UBE2E1: variants seen among roughly 807,000 people sequenced by gnomAD.
UBE2E1 encodes ubiquitin conjugating enzyme E2 E1, also known as ubiquitin-conjugating enzyme E2 E1.
A neutral mutation model predicts 21.4 loss-of-function variants in UBE2E1; 6 were observed. The observed-to-expected ratio is 0.28, with a 90% CI of 0.15 to 0.55. UBE2E1 has a LOEUF of 0.55. Among genes scored for constraint, UBE2E1 ranks in the 20% least tolerant of loss-of-function variants. The probability of loss-of-function intolerance (pLI) is 0.93; values close to 1 mark genes in which losing one functional copy is unlikely to be tolerated. For missense variants in UBE2E1, 142 were observed against 236.5 expected, an observed-to-expected ratio of 0.60 and a Z score of 2.62; for synonymous variants, 87 against 82.7, an observed-to-expected ratio of 1.05 and a Z score of -0.28.
intron 3 of UBE2E1, among the ~76,000 whole-genome samples, chr3:23,868,173 C>T (rs569256345): frequency 3.3e-5 from 5 of 152,190 alleles, no homozygotes; most frequent in African/African-American, 7.2e-5. Context: ...AACATACATT[C>T]GAATGCCTGG....
rs1309453491 is a variant in UBE2E1, at chr3:23,876,094, G to C, written c.204-11473G>C. 6.6e-6 allele frequency among the ~76,000 whole-genome samples: 1 copy of C among 152,104 alleles called. No individual in the cohort carries two copies. Among genetic ancestry groups the C allele is most frequent in the Non-Finnish European group, 1.5e-5 (1 of 68,008 alleles). Reference sequence around the variant, plus strand: ...CCAAATATGTGAATTCTTGTGTGTGGGTACTAGTTTTTCTGGGGAGCCCTT... The same window carrying C: ...CCAAATATGTGAATTCTTGTGTGTGCGTACTAGTTTTTCTGGGGAGCCCTT... On this transcript the variant is annotated intron_variant, in intron 3 of 5. Transcript: ENST00000306627. This position sits in a 1 kb window ranked among gnomAD's most constrained non-coding sequence, Gnocchi z 4.3.
In UBE2E1 at chr3:23,887,498, CTCTTT is replaced by C. The variant is rs1472939102; in HGVS notation, c.204-67_204-63del. 1 of 1,504,520 alleles carries C rather than the reference CTCTTT, an allele frequency of 6.6e-7. No individual in the cohort carries two copies. Among genetic ancestry groups the C allele is most frequent in the African/African-American group, 1.4e-5 (1 of 71,354 alleles). The allele number at this position is 1,504,520 out of a possible 1,614,324, so 93.2% of individuals were successfully genotyped here. ...GAGAGGAGAGAGGTAATCTTTCCATCTCTTTTAATACACTGTAAAAATTGGGATAG... is the reference window on the plus strand; with the variant it reads ...GAGAGGAGAGAGGTAATCTTTCCATCTAATACACTGTAAAAATTGGGATAG... On this transcript the variant is annotated intron_variant, in intron 3 of 5. Transcript: ENST00000306627. This position sits in a 1 kb window ranked among gnomAD's most constrained non-coding sequence, Gnocchi z 4.4.
intron 3 of UBE2E1, among the ~76,000 whole-genome samples, chr3:23,817,438 A>G (rs924802782): frequency 2.2e-4 from 12 of 54,716 alleles, no homozygotes; most frequent in Non-Finnish European, 2.6e-4. Context: ...AAAAAAAAAA[A>G]GAAAGAAAAG....
intron 3 of UBE2E1, among the ~76,000 whole-genome samples, chr3:23,880,959 G>GT (rs1487451481): frequency 6.6e-6 from 1 of 152,190 alleles, no homozygotes; most frequent in Non-Finnish European, 1.5e-5. Flanking sequence ...CCAGTTGATA[G>GT]TTTTTTACTT....
At chr3:23,844,935 TTAATATA>T (rs1700165698) in intron 3 of UBE2E1, among the ~76,000 whole-genome samples, 2 of 152,140 alleles carry the variant, frequency 1.3e-5, no homozygotes, top group African/African-American at 4.8e-5. Context: ...ATGTAGGATT[TTAATATA>T]TAATATATAA....
At chr3:23,841,898 G>C (rs1404090138) in intron 3 of UBE2E1, among the ~76,000 whole-genome samples, 1 of 152,142 alleles carries the variant, frequency 6.6e-6, no homozygotes, top group African/African-American at 2.4e-5. Flanking sequence ...AGATGGTTTA[G>C]AGTTCTATTA....
chr3:23,836,402 C>A lies in UBE2E1; in HGVS notation c.203+24892C>A, dbSNP rs1699976210. Among the ~76,000 whole-genome samples, 1 of 152,172 alleles carries A rather than the reference C, an allele frequency of 6.6e-6. No homozygotes were observed. Among genetic ancestry groups the A allele is most frequent in the Admixed American group, 6.5e-5 (1 of 15,286 alleles). On this transcript the variant is annotated intron_variant, in intron 3 of 5. Coordinates refer to ENST00000306627, the MANE Select transcript of UBE2E1 (RefSeq NM_003341.5). This position sits in a 1 kb window ranked among gnomAD's most constrained non-coding sequence, Gnocchi z 4.1. ...TGTCTTCCACATGCCATGTGCTGTACTGGGGAAGACATAAACAGGAGAGAC... is the reference window on the plus strand; with the variant it reads ...TGTCTTCCACATGCCATGTGCTGTAATGGGGAAGACATAAACAGGAGAGAC...
At chr3:23,873,524 G>A (rs920177062) in intron 3 of UBE2E1, among the ~76,000 whole-genome samples, 4 of 152,146 alleles carry the variant, frequency 2.6e-5, no homozygotes, top group African/African-American at 9.7e-5. Flanking sequence ...GAGGCAGGCA[G>A]ATCATGAGAT....
In UBE2E1 at chr3:23,887,484, G is replaced by A. The variant is rs1263896511; in HGVS notation, c.204-83G>A. 1.4e-6 allele frequency: 2 copies of A among 1,470,816 alleles called. No individual in the cohort carries two copies. Among genetic ancestry groups the A allele is most frequent in the East Asian group, 2.3e-5 (1 of 42,814 alleles). The allele number at this position is 1,470,816 out of a possible 1,614,324, so 91.1% of individuals were successfully genotyped here. ...CACAGTAAACAAAAGAGAGGAGAGA[G>A]GTAATCTTTCCATCTCTTTTAATAC... is the stretch of plus-strand genomic sequence containing the variant. On this transcript the variant is annotated intron_variant, in intron 3 of 5. Coordinates refer to ENST00000306627, the MANE Select transcript of UBE2E1 (RefSeq NM_003341.5). This position sits in a 1 kb window ranked among gnomAD's most constrained non-coding sequence, Gnocchi z 4.4.
intron 3 of UBE2E1, among the ~76,000 whole-genome samples, chr3:23,820,394 G>T (rs1237203379): frequency 6.6e-6 from 1 of 152,184 alleles, no homozygotes; most frequent in Non-Finnish European, 1.5e-5. Context: ...ATTATGGATT[G>T]CTTTGTAGAG....
intron 2 of UBE2E1, among the ~76,000 whole-genome samples, 167 bp from the exon 3 acceptor site, chr3:23,811,293 T>A (rs1699385251): frequency 1.3e-5 from 2 of 152,196 alleles, no homozygotes; most frequent in Admixed American, 1.3e-4. Flanking sequence ...CCGTGAAAAG[T>A]TTTTTTCCTA....
At chr3:23,815,465 C>T (rs1699495809) in intron 3 of UBE2E1, among the ~76,000 whole-genome samples, 1 of 152,192 alleles carries the variant, frequency 6.6e-6, no homozygotes, top group Non-Finnish European at 1.5e-5. Flanking sequence ...GTCCTGATGA[C>T]CTCTTCTGAT....
intron 3 of UBE2E1, among the ~76,000 whole-genome samples, chr3:23,873,615 G>T (rs535396291): frequency 8.5e-5 from 13 of 152,148 alleles, no homozygotes; most frequent in Admixed American, 7.9e-4. Flanking sequence ...GCATGGTGGC[G>T]TGTGCCTGTA....
Position 23,807,367 on chromosome 3 carries a change from A to G in UBE2E1, c.98A>G (p.Glu33Gly). The G allele has an allele frequency of 1.2e-6, 2 of 1,613,882 alleles. No homozygotes were observed. The highest frequency in any genetic ancestry group is 1.7e-6 in the Non-Finnish European group (2 of 1,179,938). The change falls in exon 2 of 6, where the codon GAG becomes GGG. Residue 33 changes from glutamate (E) to glycine (G), a missense_variant. Around this residue, in one of 2 missense-constraint regions of UBE2E1, gnomAD observed 55 missense variants for 51.5 expected, o/e 1.07. Transcript: ENST00000306627. ...GAAACAAACACCCCCAAGAAGAAGG[A>G]GAGTAAAGTCAGCATGAGCAAAAAC... is the stretch of plus-strand genomic sequence containing the variant. ...EKETNTPKKK[E>G]SKVSMSKNSK... is the part of the protein sequence containing the mutation.
intron 3 of UBE2E1, among the ~76,000 whole-genome samples, chr3:23,858,473 C>T (rs941967229): frequency 3.9e-5 from 6 of 152,048 alleles, no homozygotes; most frequent in Non-Finnish European, 5.9e-5. Flanking sequence ...GCATGCACCA[C>T]CACGCCCAGC....
chr3:23,843,345 G>A (rs1308667890), intron 3 of UBE2E1, among the ~76,000 whole-genome samples: 2 of 152,134 alleles, frequency 1.3e-5, no homozygotes, highest in Admixed American at 1.3e-4. Flanking sequence ...TCGGAACTGT[G>A]CACAATGTTT....
chr3:23,831,104 CTT>C (rs1396050581), intron 3 of UBE2E1, among the ~76,000 whole-genome samples: 1 of 152,154 alleles, frequency 6.6e-6, no homozygotes, highest in East Asian at 1.9e-4. Flanking sequence ...AGCTAAGACT[CTT>C]TATGTTGCAG....
At position 23,836,137 on chromosome 3, in the gene UBE2E1, A is replaced by G. The variant is rs1226926588; in HGVS notation, c.203+24627A>G. 6.6e-6 allele frequency among the ~76,000 whole-genome samples: 1 copy of G among 152,248 alleles called. No homozygotes were observed. Among genetic ancestry groups the G allele is most frequent in the Non-Finnish European group, 1.5e-5 (1 of 68,034 alleles). Reference sequence around the variant, plus strand: ...ACTGTTTAGGATATAGATGAAATACATTGAAACAGCAAGAAGTTAAAGCAT... The same window carrying G: ...ACTGTTTAGGATATAGATGAAATACGTTGAAACAGCAAGAAGTTAAAGCAT... On this transcript the variant is annotated intron_variant, in intron 3 of 5. Transcript: ENST00000306627. This position sits in a 1 kb window ranked among gnomAD's most constrained non-coding sequence, Gnocchi z 4.1.
chr3:23,877,670 T>G (rs980544663), intron 3 of UBE2E1, among the ~76,000 whole-genome samples: 3 of 151,382 alleles, frequency 2.0e-5, no homozygotes, highest in Non-Finnish European at 4.4e-5. Context: ...TTTGGGGGGG[T>G]TTGTGATATG....
Sources: gnomAD v4.1 joint callset for allele counts (sites outside exome capture counted in the v4.1 genomes callset) on GRCh38, gnomAD v4.1.1 for gene constraint, gnomAD v4.1.1 regional missense constraint, Gnocchi (gnomAD v3.1) non-coding constraint, MANE v1.5 for transcripts, NCBI Gene and HGNC (gene_info 2026-07-23, HGNC 2026-07-21) for gene names.